Variants in STOX2 observed in about 807,000 individuals in gnomAD.
STOX2 encodes the protein storkhead box 2.
STOX2 carries 28 observed loss-of-function variants against 60.9 expected under a neutral mutation model. That is an observed-to-expected ratio of 0.46 (90% CI 0.34 to 0.63). The LOEUF (loss-of-function observed/expected upper bound fraction) is 0.63. STOX2 is among the 30% of genes least tolerant of loss of function. The pLI, the probability that STOX2 is intolerant of heterozygous loss-of-function variation, is 0.01. For synonymous variants in STOX2, 472 were observed against 463.9 expected, an observed-to-expected ratio of 1.02 and a Z score of -0.22; for missense variants, 1,024 against 1,187.7, an observed-to-expected ratio of 0.86 and a Z score of 2.03.
At chr4:183,968,701 C>T (rs1398026495) in intron 1 of STOX2, among the ~76,000 whole-genome samples, 1 of 126,444 alleles carries the variant, frequency 7.9e-6, no homozygotes, top group Non-Finnish European at 1.6e-5. Flanking sequence ...TCAAAAGGAT[C>T]TTTGTTGCCA....
chr4:183,933,668 T>C (rs1284318102), intron 1 of STOX2, among the ~76,000 whole-genome samples: 2 of 152,146 alleles, frequency 1.3e-5, no homozygotes, highest in African/African-American at 4.8e-5. Context: ...GGATTACAGG[T>C]GTGAGCCACT....
At chr4:183,880,898 A>T (rs968380182) in intron 1 of STOX2, among the ~76,000 whole-genome samples, 4 of 152,136 alleles carry the variant, frequency 2.6e-5, no homozygotes, top group Non-Finnish European at 5.9e-5. Context: ...GACTCTAAGG[A>T]GGAAATTTTT....
At chr4:183,902,598 G>T (rs1002647978), upstream of STOX2, among the ~76,000 whole-genome samples, 1 of 152,188 alleles carries the variant, frequency 6.6e-6, no homozygotes, top group African/African-American at 2.4e-5. Flanking sequence ...CATAGGGGTT[G>T]TATATGACCA....
chr4:183,937,894 TC>T (rs1742632246), intron 1 of STOX2, among the ~76,000 whole-genome samples: 1 of 152,188 alleles, frequency 6.6e-6, no homozygotes, highest in African/African-American at 2.4e-5. Context: ...TGCCTGTAAA[TC>T]CTAGTACTTT....
chr4:183,951,224 GAAAA>G (rs70959161), intron 1 of STOX2, among the ~76,000 whole-genome samples: 8 of 125,186 alleles, frequency 6.4e-5, no homozygotes, highest in Non-Finnish European at 1.2e-4. Context: ...CAAAAAAAAA[GAAAA>G]AAAAAAAAAA....
At chr4:183,939,713 C>T (rs1473742303) in intron 1 of STOX2, among the ~76,000 whole-genome samples, 2 of 151,904 alleles carry the variant, frequency 1.3e-5, no homozygotes, top group African/African-American at 4.8e-5. Context: ...GTTGGACGGT[C>T]CCAGGCTTGA....
intron 1 of STOX2, among the ~76,000 whole-genome samples, chr4:183,931,752 A>G (rs1040366247): frequency 5.3e-5 from 8 of 152,214 alleles, no homozygotes; most frequent in Non-Finnish European, 1.2e-4. Flanking sequence ...GGCACTATTA[A>G]TAATTGCACG....
intron 1 of STOX2, among the ~76,000 whole-genome samples, chr4:183,849,759 G>A (rs536860480): frequency 8.7e-4 from 132 of 152,212 alleles, no homozygotes; most frequent in Admixed American, 2.3e-3. Flanking sequence ...GGGAGAGGGC[G>A]TTGGGAGTTC....
chr4:183,958,107 T>C (rs764685809), intron 1 of STOX2, among the ~76,000 whole-genome samples: 6 of 150,978 alleles, frequency 4.0e-5, no homozygotes, highest in Non-Finnish European at 8.9e-5. Context: ...CCCTGGTTTC[T>C]TTCAGGGGGG....
At chr4:183,889,000 G>A (rs1034811724) in intron 1 of STOX2, among the ~76,000 whole-genome samples, 24 of 151,762 alleles carry the variant, frequency 1.6e-4, no homozygotes, top group Admixed American at 1.4e-3. Flanking sequence ...AACTGCCAAA[G>A]ATGTTCTCGA....
chr4:184,019,925 CTT>C lies in STOX2; in HGVS notation c.*2643_*2644del, dbSNP rs1456235451. ...TCCCTTTCCTCCTGTAAAATCATAG[CTT>C]TGTGTTACACGACTGCTTATCCAGT... is the stretch of plus-strand genomic sequence containing the variant. On this transcript the variant is annotated 3_prime_UTR_variant, in exon 4 of 4. Transcript: ENST00000308497. 1 of 152,120 alleles carries C rather than the reference CTT, an allele frequency of 6.6e-6. No homozygotes were observed. Among genetic ancestry groups the C allele is most frequent in the Non-Finnish European group, 1.5e-5 (1 of 68,030 alleles). The allele number at this position is 152,120 out of a possible 1,614,324, so 9.4% of individuals were successfully genotyped here.
chr4:183,840,506 A>C (rs1321556759), intron 1 of STOX2, among the ~76,000 whole-genome samples: 1 of 152,144 alleles, frequency 6.6e-6, no homozygotes, highest in East Asian at 1.9e-4. Flanking sequence ...TGACACACTT[A>C]ATGGCAACCA....
intron 1 of STOX2, among the ~76,000 whole-genome samples, chr4:183,918,537 A>G (rs1741997012): frequency 6.6e-6 from 1 of 152,200 alleles, no homozygotes; most frequent in Non-Finnish European, 1.5e-5. Context: ...TGTGGTAAAA[A>G]CCAATCTTGC....
chr4:183,923,358 A>G (rs1268357033), intron 1 of STOX2, among the ~76,000 whole-genome samples: 1 of 152,212 alleles, frequency 6.6e-6, no homozygotes, highest in Non-Finnish European at 1.5e-5. Context: ...GTATGTTATG[A>G]AGTACACTCA....
intron 1 of STOX2, among the ~76,000 whole-genome samples, chr4:183,926,731 C>G (rs1742252210): frequency 6.6e-6 from 1 of 151,930 alleles, no homozygotes; most frequent in Non-Finnish European, 1.5e-5. Flanking sequence ...TCAAGCAGTT[C>G]TCCTGGCTCA....
chr4:183,968,795 G>A lies in STOX2; in HGVS notation c.167-32530G>A, dbSNP rs1160995635. Among the ~76,000 whole-genome samples, 5 of 143,658 alleles carry A rather than the reference G, an allele frequency of 3.5e-5. 1 individual carries two copies. In the East Asian group the frequency reaches 1.1e-3, roughly 31 times the overall value. 94.2% of individuals were successfully genotyped at this position (143,658 alleles called of 152,430 possible). A position where few individuals can be genotyped will look rare whatever the true frequency, so the allele number is the denominator to read the frequency against. ...TTGGGTGGCAGGGGTTTGGCCGGGG[G>A]AGGGGAGGGTGGATAGAAAGGATAG... On this transcript the variant is annotated intron_variant, in intron 1 of 3. Transcript: ENST00000308497.
intron 1 of STOX2, among the ~76,000 whole-genome samples, chr4:183,947,993 G>T (rs535621081): frequency 6.6e-6 from 1 of 152,048 alleles, no homozygotes; most frequent in Non-Finnish European, 1.5e-5. Flanking sequence ...GAGGTGGGCA[G>T]ATCACCTGAG....
chr4:183,883,423 C>T (rs1741002130), intron 1 of STOX2, among the ~76,000 whole-genome samples: 1 of 151,614 alleles, frequency 6.6e-6, no homozygotes, highest in Non-Finnish European at 1.5e-5. Context: ...AGGTTCATGC[C>T]ATTCTCCTGC....
chr4:183,899,352 A>T (rs1380016855), intron 1 of STOX2, among the ~76,000 whole-genome samples: 2 of 152,244 alleles, frequency 1.3e-5, no homozygotes. Flanking sequence ...AGGCTTTGCG[A>T]GGAAGGCATG....
Sources: allele counts gnomAD v4.1 joint callset (sites outside exome capture counted in the v4.1 genomes callset), GRCh38; gene constraint gnomAD v4.1.1; transcripts MANE v1.5; gene names NCBI Gene and HGNC (gene_info 2026-07-23, HGNC 2026-07-21).